Variants in FGF14 observed in about 807,000 individuals in gnomAD.
FGF14 encodes fibroblast growth factor 14, also known as fibroblast growth factor homologous factor 4.
Under a neutral mutation model 25.5 loss-of-function variants are expected in FGF14, and 5 were observed. The observed-to-expected ratio is 0.20, with a 90% CI of 0.10 to 0.41. FGF14 has a LOEUF of 0.41. FGF14 is among the 10% of genes least tolerant of loss of function. FGF14 has a pLI of 1.00. For missense variants in FGF14, 222 were observed against 320.1 expected, an observed-to-expected ratio of 0.69 and a Z score of 2.34; for synonymous variants, 138 against 118.3, an observed-to-expected ratio of 1.17 and a Z score of -1.08.
At chr13:101,884,133 G>GCAA (rs2045872267) in intron 1 of FGF14, among the ~76,000 whole-genome samples, 1 of 147,426 alleles carries the variant, frequency 6.8e-6, no homozygotes, top group Non-Finnish European at 1.5e-5. Flanking sequence ...GTGTGCAAGA[G>GCAA]CAACACAAAA....
At chr13:102,131,325 T>A (rs949440217) in intron 1 of FGF14, among the ~76,000 whole-genome samples, 1 of 152,212 alleles carries the variant, frequency 6.6e-6, no homozygotes, top group Non-Finnish European at 1.5e-5. Flanking sequence ...AAGTTAAATT[T>A]CTATTTCAAC....
rs770200168 is a variant in FGF14 at position 101,980,927 on chromosome 13, C to G, written c.209-105631G>C. On this transcript the variant is annotated intron_variant, in intron 1 of 4. Coordinates refer to the FGF14 transcript ENST00000376131. ...TAAGAGGTGATTCCACCCTCCTCAA[C>G]GGAGTAAGTACTGTTATAAAAGAGG... Among the ~76,000 whole-genome samples, 8 of 151,964 alleles carry G rather than the reference C, an allele frequency of 5.3e-5. No individual in the cohort carries two copies. The East Asian group carries it at 7.8e-4, about 15-fold the overall frequency.
chr13:101,863,039 T>A (rs1349934630), intron 3 of FGF14, among the ~76,000 whole-genome samples: 1 of 152,080 alleles, frequency 6.6e-6, no homozygotes, highest in Non-Finnish European at 1.5e-5. Flanking sequence ...ATATGAGAAT[T>A]ATATATGTGT....
chr13:101,978,912 C>T (rs537255392), intron 1 of FGF14, among the ~76,000 whole-genome samples: 22 of 152,320 alleles, frequency 1.4e-4, no homozygotes, highest in Non-Finnish European at 2.6e-4. Context: ...GTGACGGAGA[C>T]TTTCCTGGAG....
intron 1 of FGF14, among the ~76,000 whole-genome samples, chr13:102,399,650 G>A (rs1347932969): frequency 6.6e-6 from 1 of 152,216 alleles, no homozygotes; most frequent in East Asian, 1.9e-4. Context: ...AATTAGACAT[G>A]CGGGTGGAAA....
intron 1 of FGF14, among the ~76,000 whole-genome samples, chr13:102,324,603 G>A (rs2056361438): frequency 6.6e-6 from 1 of 152,160 alleles, no homozygotes; most frequent in African/African-American, 2.4e-5. Context: ...CTAGAACAGA[G>A]CAGGCCCTCA....
chr13:102,112,699 C>T (rs2045291355), intron 1 of FGF14, among the ~76,000 whole-genome samples: 1 of 152,146 alleles, frequency 6.6e-6, no homozygotes, highest in Admixed American at 6.5e-5. Context: ...ATAGTAATGA[C>T]AATAAATTAA....
chr13:102,347,457 C>T (rs985215951), intron 1 of FGF14, among the ~76,000 whole-genome samples: 2 of 152,134 alleles, frequency 1.3e-5, no homozygotes, highest in African/African-American at 4.8e-5. Flanking sequence ...TACAAGCTGA[C>T]ACCTGACACA....
chr13:102,343,737 G>A (rs966861488), intron 1 of FGF14, among the ~76,000 whole-genome samples: 11 of 152,156 alleles, frequency 7.2e-5, no homozygotes, highest in African/African-American at 2.7e-4. Context: ...TAGAAGCATA[G>A]CAGAATCTAA....
chr13:102,163,173 C>G (rs971039316), intron 1 of FGF14, among the ~76,000 whole-genome samples: 1 of 152,080 alleles, frequency 6.6e-6, no homozygotes, highest in Non-Finnish European at 1.5e-5. Flanking sequence ...CTGTCCAATT[C>G]CATTAATAAC....
intron 1 of FGF14, among the ~76,000 whole-genome samples, chr13:101,951,703 A>G (rs76519361): frequency 0.012 from 1,866 of 152,290 alleles, 42 homozygotes; most frequent in African/African-American, 0.042. Context: ...TCATTCTCAA[A>G]TAATAAACAG....
chr13:101,956,874 C>T (rs2036549098), intron 1 of FGF14, among the ~76,000 whole-genome samples: 1 of 151,456 alleles, frequency 6.6e-6, no homozygotes, highest in South Asian at 2.1e-4. Flanking sequence ...AGACGTCCTT[C>T]CTTTGTTTTT....
At chr13:101,833,660 T>C (rs1295072445) in intron 3 of FGF14, among the ~76,000 whole-genome samples, 1 of 152,118 alleles carries the variant, frequency 6.6e-6, no homozygotes. Flanking sequence ...CATATGTGTG[T>C]ATATATGTAT....
At chr13:101,749,818 A>C (rs2037154908) in intron 3 of FGF14, among the ~76,000 whole-genome samples, 1 of 152,130 alleles carries the variant, frequency 6.6e-6, no homozygotes, top group South Asian at 2.1e-4. Context: ...TTGTGAAATA[A>C]TTAAAGAGAT....
chr13:102,250,992 T>A (rs2141069501), intron 1 of FGF14, among the ~76,000 whole-genome samples: 1 of 152,340 alleles, frequency 6.6e-6, no homozygotes, highest in Non-Finnish European at 1.5e-5. Context: ...ATTTTCTGGA[T>A]AACCAGAACT....
chr13:101,911,366 G>C (rs1242975749), intron 1 of FGF14, among the ~76,000 whole-genome samples: 1 of 152,060 alleles, frequency 6.6e-6, no homozygotes, highest in African/African-American at 2.4e-5. Flanking sequence ...CAGACAGTTG[G>C]CCATAGATTA....
At chr13:102,147,597 T>A (rs2046906569) in intron 1 of FGF14, among the ~76,000 whole-genome samples, 3 of 152,182 alleles carry the variant, frequency 2.0e-5, no homozygotes, top group Non-Finnish European at 4.4e-5. Flanking sequence ...ATCTCTCTTG[T>A]ACATGTCAAA....
intron 4 of FGF14, among the ~76,000 whole-genome samples, chr13:101,725,366 A>G (rs1169239010): frequency 6.6e-6 from 1 of 152,040 alleles, no homozygotes; most frequent in Non-Finnish European, 1.5e-5. Context: ...TAATTCACTC[A>G]TATTTCAGAC....
At chr13:101,736,001 G>T (rs530987805) in intron 3 of FGF14, among the ~76,000 whole-genome samples, 1 of 152,114 alleles carries the variant, frequency 6.6e-6, no homozygotes, top group African/African-American at 2.4e-5. Flanking sequence ...TGTCAACAGA[G>T]AACAAATATA....
Sources: gnomAD v4.1 joint callset for allele counts (sites outside exome capture counted in the v4.1 genomes callset) on GRCh38, gnomAD v4.1.1 for gene constraint, MANE v1.5 for transcripts, NCBI Gene and HGNC (gene_info 2026-07-23, HGNC 2026-07-21) for gene names.